TBC1D1: variants seen among roughly 807,000 people sequenced by gnomAD.
TBC1D1 encodes TBC1 (tre-2/USP6, BUB2, cdc16) domain family, member 1.
TBC1D1 carries 89 observed loss-of-function variants against 125.6 expected under a neutral mutation model. The ratio of observed to expected loss-of-function variants is 0.71; its 90% CI spans 0.60 to 0.85. The LOEUF (loss-of-function observed/expected upper bound fraction) is 0.85. Ranked by LOEUF, TBC1D1 falls within the 40% of genes least tolerant of loss-of-function variation. TBC1D1 has a pLI of 0.00. For synonymous variants in TBC1D1, 565 were observed against 564.1 expected, an observed-to-expected ratio of 1.00 and a Z score of -0.02; for missense variants, 1,377 against 1,469.2, an observed-to-expected ratio of 0.94 and a Z score of 1.03.
At chr4:37,973,680 G>T (rs1206112105) in intron 2 of TBC1D1, among the ~76,000 whole-genome samples, 1 of 152,198 alleles carries the variant, frequency 6.6e-6, no homozygotes, top group African/African-American at 2.4e-5. Flanking sequence ...TCAAAACTAT[G>T]TTGTTGCCTG....
rs1404159236 is a variant in TBC1D1, at chr4:38,054,152, G to A, written c.1911-47G>A. On this transcript the variant is annotated intron_variant, in intron 11 of 19. Transcript: ENST00000261439. ...AAAAATGTTAAGCTAACAAAATCCC[G>A]TGAATTCCTCCCCACTAGTCATAAA... 4.4e-6 allele frequency: 7 copies of A among 1,581,684 alleles called. No homozygotes were observed. The South Asian group carries it at 5.6e-5, about 13-fold the overall frequency.
At chr4:37,997,215 A>G (rs776187358) in intron 2 of TBC1D1, among the ~76,000 whole-genome samples, 2 of 152,200 alleles carry the variant, frequency 1.3e-5, no homozygotes, top group Admixed American at 1.3e-4. Flanking sequence ...TATTATCACA[A>G]TTTTAATTTA....
chr4:38,125,193 C>T (rs556384925), intron 18 of TBC1D1, 62 bp downstream of exon 20: 6 of 1,516,818 alleles, frequency 4.0e-6, no homozygotes. Flanking sequence ...AAACTTAAAT[C>T]TCTCTTGAGC....
intron 16 of TBC1D1, among the ~76,000 whole-genome samples, chr4:38,117,449 T>G (rs60023571): frequency 0.04 from 6,157 of 152,282 alleles, 415 homozygotes; most frequent in African/African-American, 0.14. Context: ...GGAAAAAGTT[T>G]TTATTTCATC....
At position 38,006,603 on chromosome 4, in the gene TBC1D1, C is replaced by T. The variant is rs931288832; in HGVS notation, c.418-7906C>T. On this transcript the variant is annotated intron_variant, in intron 2 of 19. Transcript: ENST00000261439. ...AAGCGATGCTCCTGCCTCAGCCTCC[C>T]GAGTAGCTGGGACTACAGGCATGTG... 5.9e-5 allele frequency among the ~76,000 whole-genome samples: 9 copies of T among 151,926 alleles called. No homozygotes were observed. In the East Asian group the frequency reaches 9.7e-4, roughly 16 times the overall value.
intron 2 of TBC1D1, among the ~76,000 whole-genome samples, chr4:38,010,208 C>T (rs1741177187): frequency 1.3e-5 from 2 of 152,154 alleles, no homozygotes; most frequent in African/African-American, 4.8e-5. Flanking sequence ...TTTATTTTTA[C>T]TTATCTGTAT....
chr4:37,915,969 T>C (rs1437836808), intron 2 of TBC1D1, among the ~76,000 whole-genome samples: 1 of 152,214 alleles, frequency 6.6e-6, no homozygotes, highest in Admixed American at 6.5e-5. Context: ...GTGGAAGAGA[T>C]GTCATGAAGG....
chr4:38,038,945 C>G (rs1443781667), intron 8 of TBC1D1, among the ~76,000 whole-genome samples: 1 of 133,268 alleles, frequency 7.5e-6, no homozygotes, highest in African/African-American at 3.3e-5. Context: ...GACTCCCTCT[C>G]GGGAAAAAAA....
intron 15 of TBC1D1, among the ~76,000 whole-genome samples, chr4:38,104,091 C>T (rs932750166): frequency 7.4e-6 from 1 of 135,748 alleles, no homozygotes; most frequent in Admixed American, 8.5e-5. Context: ...ACCCAGGAGG[C>T]GGAGCTTGCA....
intron 2 of TBC1D1, among the ~76,000 whole-genome samples, chr4:38,011,533 T>C (rs1560613600): frequency 6.6e-6 from 1 of 152,236 alleles, no homozygotes; most frequent in Non-Finnish European, 1.5e-5. Context: ...TGCAATTTGT[T>C]GTTGAAACTA....
chr4:38,113,429 C>T (rs78939914), intron 15 of TBC1D1, among the ~76,000 whole-genome samples: 3,211 of 152,312 alleles, frequency 0.021, 127 homozygotes, highest in African/African-American at 0.073. Context: ...GCTCTGGTTT[C>T]TGTGTGAGGT....
At position 38,039,218 on chromosome 4, in the gene TBC1D1, C is replaced by T. The variant is rs375477855; in HGVS notation, c.1413+3520C>T. ...CTGCAAGCCCCGCCTCCCAAGTTCA[C>T]GCCATTCTCCTGCCTCAGCCTCCTG... On this transcript the variant is annotated intron_variant, in intron 8 of 19. Transcript: ENST00000261439. 1.6e-4 allele frequency among the ~76,000 whole-genome samples: 23 copies of T among 142,668 alleles called. No individual in the cohort carries two copies. In the East Asian group the frequency reaches 3.9e-3, roughly 24 times the overall value. 93.6% of individuals were successfully genotyped at this position (142,668 alleles called of 152,430 possible).
At chr4:37,930,796 T>C (rs1723106272) in intron 2 of TBC1D1, among the ~76,000 whole-genome samples, 1 of 152,226 alleles carries the variant, frequency 6.6e-6, no homozygotes, top group African/African-American at 2.4e-5. Context: ...ATGTTTGTTT[T>C]CCTAAAGAAA....
At chr4:37,932,972 G>A (rs1052096532) in intron 2 of TBC1D1, among the ~76,000 whole-genome samples, 3 of 151,756 alleles carry the variant, frequency 2.0e-5, no homozygotes. Flanking sequence ...CATGAGAATT[G>A]CTTGAATCTG....
At chr4:37,960,835 G>A (rs199864421) in intron 2 of TBC1D1, 164 of 1,613,978 alleles carry the variant, frequency 1.0e-4, no homozygotes, top group Non-Finnish European at 1.3e-4. Context: ...CCTGAAGAGC[G>A]CCAGATTGCA....
intron 2 of TBC1D1, among the ~76,000 whole-genome samples, chr4:37,965,781 C>T (rs1730949355): frequency 6.6e-6 from 1 of 152,054 alleles, no homozygotes; most frequent in South Asian, 2.1e-4. Flanking sequence ...GATGGAGTCT[C>T]ACTCTGTCAC....
chr4:38,055,249 C>T (rs776985481), intron 12 of TBC1D1, among the ~76,000 whole-genome samples: 16 of 152,192 alleles, frequency 1.1e-4, no homozygotes, highest in Non-Finnish European at 2.1e-4. Context: ...GGGCCCTCTC[C>T]TGCCGTCCTC....
intron 2 of TBC1D1, among the ~76,000 whole-genome samples, chr4:37,939,575 T>C (rs200239879): frequency 6.6e-6 from 1 of 152,028 alleles, no homozygotes; most frequent in Non-Finnish European, 1.5e-5. Context: ...GCTTTTGGTG[T>C]TTTAGACATG....
intron 6 of TBC1D1, among the ~76,000 whole-genome samples, chr4:38,023,721 G>A (rs974410832): frequency 1.3e-5 from 2 of 152,150 alleles, no homozygotes; most frequent in Non-Finnish European, 2.9e-5. Flanking sequence ...CTCGTCCGTG[G>A]ACATTTGGGT....
Sources: allele counts gnomAD v4.1 joint callset (sites outside exome capture counted in the v4.1 genomes callset), GRCh38; gene constraint gnomAD v4.1.1; transcripts MANE v1.5; gene names NCBI Gene and HGNC (gene_info 2026-07-23, HGNC 2026-07-21).